Variants in SETBP1 observed in about 807,000 individuals in gnomAD.
SETBP1 encodes the protein SET binding protein 1.
SETBP1 carries 9 observed loss-of-function variants against 101.0 expected under a neutral mutation model. The observed-to-expected ratio is 0.09, with a 90% confidence interval of 0.05 to 0.16. The LOEUF (loss-of-function observed/expected upper bound fraction) is 0.16, where lower values mean the gene tolerates loss of function less well. Ranked by LOEUF, SETBP1 falls within the 10% of genes least tolerant of loss-of-function variation. SETBP1 has a pLI of 1.00. For synonymous variants in SETBP1, 818 were observed against 788.5 expected, an observed-to-expected ratio of 1.04 and a Z score of -0.63; for missense variants, 1,858 against 2,033.8, an observed-to-expected ratio of 0.91 and a Z score of 1.66.
rs2073446362 is a variant in SETBP1, at chr18:45,038,563, C to T, written c.4079C>T (p.Thr1360Ile). Reference protein sequence around the residue: ...KNEGSVPTMMTRKKPAAVDSV... With the variant: ...KNEGSVPTMMIRKKPAAVDSV... ...GAAGGCTCAGTGCCCACCATGATGA[C>T]CAGGAAGAAGCCAGCCGCAGTTGAC... The change falls in exon 5 of 6, where the codon ACC becomes ATC. Residue 1360 changes from threonine to isoleucine, a missense_variant. Thr to Ile is a moderately conservative substitution (Grantham distance 89). Coordinates refer to ENST00000649279, the MANE Select transcript of SETBP1 (RefSeq NM_015559.3). 7 of 1,614,138 alleles carry T rather than the reference C, an allele frequency of 4.3e-6. No homozygotes were observed. In the East Asian group the frequency reaches 1.3e-4, roughly 31 times the overall value.
At chr18:44,953,369 T>C in intron 4 of SETBP1, 29 bp downstream of exon 4, 1 of 1,587,758 alleles carries the variant, frequency 6.3e-7, no homozygotes, top group Non-Finnish European at 8.6e-7. Flanking sequence ...AGAAATGGAT[T>C]ATCAAGTTAT....
intron 4 of SETBP1, among the ~76,000 whole-genome samples, chr18:45,026,964 T>C (rs2073178406): frequency 6.6e-6 from 1 of 152,138 alleles, no homozygotes; most frequent in Non-Finnish European, 1.5e-5. Flanking sequence ...CTGGGAAGAA[T>C]AGAATCTGAT....
intron 2 of SETBP1, among the ~76,000 whole-genome samples, chr18:44,807,913 A>G (rs935168444): frequency 4.6e-5 from 7 of 152,190 alleles, no homozygotes; most frequent in Admixed American, 1.3e-4. Flanking sequence ...GAGGCTGCAC[A>G]GCCAGAAGGA....
At chr18:44,866,311 G>C (rs777351440) in intron 2 of SETBP1, among the ~76,000 whole-genome samples, 14 of 152,184 alleles carry the variant, frequency 9.2e-5, no homozygotes, top group Admixed American at 3.9e-4. Context: ...GTTTCCTTTT[G>C]TTGGCTTGGA....
chr18:45,028,130 T>G (rs927414120), intron 4 of SETBP1, among the ~76,000 whole-genome samples: 1 of 151,672 alleles, frequency 6.6e-6, no homozygotes, highest in Non-Finnish European at 1.5e-5. Context: ...CATTTAGCAT[T>G]AGGTATATCT....
intron 3 of SETBP1, among the ~76,000 whole-genome samples, chr18:44,880,633 A>G (rs1046177675): frequency 2.6e-5 from 4 of 152,196 alleles, no homozygotes; most frequent in Non-Finnish European, 5.9e-5. Context: ...GGGAGGCCTC[A>G]GGGAGTTTAC....
At chr18:44,887,721 G>A (rs983046482) in intron 3 of SETBP1, among the ~76,000 whole-genome samples, 6 of 152,120 alleles carry the variant, frequency 3.9e-5, no homozygotes, top group African/African-American at 1.4e-4. Context: ...CTCAGAGTGG[G>A]TAAAATCCTC....
At chr18:45,036,445 A>G (rs1204023433) in intron 4 of SETBP1, among the ~76,000 whole-genome samples, 1 of 152,202 alleles carries the variant, frequency 6.6e-6, no homozygotes, top group Non-Finnish European at 1.5e-5. Context: ...GTCGCTTTAC[A>G]AATGATTTTG....
intron 2 of SETBP1, among the ~76,000 whole-genome samples, chr18:44,708,177 C>G (rs908650424): frequency 5.3e-5 from 8 of 152,172 alleles, no homozygotes; most frequent in African/African-American, 1.9e-4. Flanking sequence ...GCTCAGAGAG[C>G]CTTCTACCCT....
chr18:44,767,939 G>C (rs1599098710), intron 2 of SETBP1, among the ~76,000 whole-genome samples: 1 of 152,182 alleles, frequency 6.6e-6, no homozygotes. Context: ...ACTATTGGTA[G>C]GATGAACATT....
At chr18:44,838,274 T>C (rs894317767) in intron 2 of SETBP1, among the ~76,000 whole-genome samples, 3 of 152,218 alleles carry the variant, frequency 2.0e-5, no homozygotes, top group Non-Finnish European at 2.9e-5. Flanking sequence ...GCTTATCTAC[T>C]CCTTTTGTAT....
At chr18:44,833,420 G>A (rs1428752944) in intron 2 of SETBP1, among the ~76,000 whole-genome samples, 1 of 152,190 alleles carries the variant, frequency 6.6e-6, no homozygotes, top group Non-Finnish European at 1.5e-5. Flanking sequence ...AGAATGAGGA[G>A]AGTCCCTGGG....
intron 2 of SETBP1, among the ~76,000 whole-genome samples, chr18:44,850,379 C>A (rs12455556): frequency 1.3e-5 from 2 of 149,994 alleles, no homozygotes; most frequent in African/African-American, 4.9e-5. Flanking sequence ...CTTTTTTTTT[C>A]TTTTTTTTTG....
intron 2 of SETBP1, among the ~76,000 whole-genome samples, chr18:44,807,575 G>A (rs1235456630): frequency 6.6e-6 from 1 of 152,154 alleles, no homozygotes; most frequent in Non-Finnish European, 1.5e-5. Flanking sequence ...AAATGGAAAT[G>A]ATATAGAATT....
At chr18:44,713,630 G>A (rs997263331) in intron 2 of SETBP1, among the ~76,000 whole-genome samples, 1 of 152,168 alleles carries the variant, frequency 6.6e-6, no homozygotes, top group African/African-American at 2.4e-5. Context: ...TCTAGACACA[G>A]TATCTCTATT....
chr18:44,888,326 TACAG>T (rs1568201660), intron 3 of SETBP1, among the ~76,000 whole-genome samples: 2 of 152,120 alleles, frequency 1.3e-5, no homozygotes, highest in African/African-American at 4.8e-5. Flanking sequence ...AAATGTCACT[TACAG>T]ACCACTTTTA....
chr18:44,706,441 C>G (rs1476144383), intron 2 of SETBP1, among the ~76,000 whole-genome samples: 1 of 151,308 alleles, frequency 6.6e-6, no homozygotes, highest in Non-Finnish European at 1.5e-5. Flanking sequence ...CAAAAATTAG[C>G]CAGGCATGGG....
chr18:45,033,807 AAG>A (rs2073343954), intron 4 of SETBP1, among the ~76,000 whole-genome samples: 1 of 152,222 alleles, frequency 6.6e-6, no homozygotes, highest in African/African-American at 2.4e-5. Flanking sequence ...ATGCAGAACA[AAG>A]AACCAACTGG....
intron 2 of SETBP1, among the ~76,000 whole-genome samples, chr18:44,808,234 A>G (rs963928048): frequency 3.3e-5 from 5 of 152,098 alleles, no homozygotes; most frequent in Non-Finnish European, 7.4e-5. Flanking sequence ...TGGATGTGCC[A>G]TCTCTTTCCT....
Sources: gnomAD v4.1 joint callset for allele counts (sites outside exome capture counted in the v4.1 genomes callset) on GRCh38, gnomAD v4.1.1 for gene constraint, MANE v1.5 for transcripts, NCBI Gene and HGNC (gene_info 2026-07-23, HGNC 2026-07-21) for gene names.